Variants in LYPD6 observed in about 807,000 individuals in gnomAD.
LYPD6 encodes the protein ly6/PLAUR domain-containing protein 6.
LYPD6 carries 15 observed loss-of-function variants against 22.7 expected under a neutral mutation model. That is an observed-to-expected ratio of 0.66 (90% CI 0.44 to 1.02). The LOEUF is 1.02. Ranked by LOEUF, LYPD6 falls within the 50% of genes least tolerant of loss-of-function variation. The pLI is 0.00. For synonymous variants in LYPD6, 72 were observed against 77.5 expected, an observed-to-expected ratio of 0.93 and a Z score of 0.37; for missense variants, 189 against 208.4, an observed-to-expected ratio of 0.91 and a Z score of 0.57.
chr2:149,362,995 T>C (rs1174797555), intron 1 of LYPD6, among the ~76,000 whole-genome samples: 1 of 152,208 alleles, frequency 6.6e-6, no homozygotes, highest in African/African-American at 2.4e-5. Context: ...AAGGGAAAGT[T>C]AGAAAGTCCT....
chr2:149,338,964 A>T (rs1261619051), intron 1 of LYPD6, among the ~76,000 whole-genome samples: 2 of 152,198 alleles, frequency 1.3e-5, no homozygotes, highest in African/African-American at 4.8e-5. Context: ...TTCAAGAAAG[A>T]CAGATAGGGA....
chr2:149,333,418 G>A (rs1005550363), intron 1 of LYPD6, among the ~76,000 whole-genome samples: 1 of 152,226 alleles, frequency 6.6e-6, no homozygotes, highest in African/African-American at 2.4e-5. Context: ...ACGTGGTTAA[G>A]TGTTGAGCTT....
At chr2:149,365,335 G>A (rs1371124514) in intron 1 of LYPD6, among the ~76,000 whole-genome samples, 1 of 152,148 alleles carries the variant, frequency 6.6e-6, no homozygotes, top group Non-Finnish European at 1.5e-5. Context: ...AAAGGAAAAG[G>A]AACCCAAATA....
chr2:149,353,069 A>T (rs1035687441), intron 1 of LYPD6, among the ~76,000 whole-genome samples: 4 of 152,192 alleles, frequency 2.6e-5, no homozygotes, highest in African/African-American at 9.6e-5. Flanking sequence ...TTGTGACTCC[A>T]GCATATTGCA....
At chr2:149,387,240 G>A (rs927472896) in intron 1 of LYPD6, among the ~76,000 whole-genome samples, 1 of 152,172 alleles carries the variant, frequency 6.6e-6, no homozygotes. Flanking sequence ...GAGCCAAGGG[G>A]AGATATTGTA....
chr2:149,385,144 C>T (rs1410095363), intron 1 of LYPD6, among the ~76,000 whole-genome samples: 1 of 152,032 alleles, frequency 6.6e-6, no homozygotes, highest in East Asian at 1.9e-4. Context: ...CCTTCTGATT[C>T]CTCCTTTGCC....
chr2:149,379,601 G>T (rs1682014534), intron 1 of LYPD6, among the ~76,000 whole-genome samples: 1 of 152,180 alleles, frequency 6.6e-6, no homozygotes, highest in African/African-American at 2.4e-5. Context: ...CTTCAGTTCT[G>T]TGTCTTTGTG....
chr2:149,454,504 A>G (rs184641989), intron 3 of LYPD6, among the ~76,000 whole-genome samples: 114 of 152,280 alleles, frequency 7.5e-4, no homozygotes, highest in Non-Finnish European at 1.5e-3. Context: ...CTATTCCACT[A>G]TTGAAGGACA....
intron 1 of LYPD6, among the ~76,000 whole-genome samples, chr2:149,359,219 A>G (rs1195335769): frequency 2.0e-5 from 3 of 152,134 alleles, no homozygotes; most frequent in African/African-American, 7.2e-5. Flanking sequence ...ATTTCCATGC[A>G]TGTCTTTGAT....
intron 1 of LYPD6, among the ~76,000 whole-genome samples, chr2:149,341,055 A>G (rs751268260): frequency 1.3e-5 from 2 of 152,214 alleles, no homozygotes; most frequent in African/African-American, 2.4e-5. Context: ...GCGTTTATAT[A>G]GTGGCTTTTC....
chr2:149,335,830 G>C (rs1681024598), intron 1 of LYPD6, among the ~76,000 whole-genome samples: 1 of 152,124 alleles, frequency 6.6e-6, no homozygotes, highest in Non-Finnish European at 1.5e-5. Context: ...GTAGTATTTA[G>C]TGCAGTAACA....
intron 3 of LYPD6, among the ~76,000 whole-genome samples, chr2:149,468,182 C>CACACAT (rs1553446203): frequency 2.3e-4 from 34 of 147,292 alleles, no homozygotes; most frequent in African/African-American, 7.8e-4. Flanking sequence ...CACACACACA[C>CACACAT]ACACACCAGC....
chr2:149,468,727 A>G lies in LYPD6; in HGVS notation c.300A>G (p.Glu100=), dbSNP rs1198976323. The part of the protein sequence containing the change: ...ISVTKRCVPL[E]ECLSTGCRDS... The stretch of plus-strand genomic sequence containing the variant: ...TCACCAAACGCTGTGTCCCACTGGA[A>G]GAGTGCTTATCCACTGGCTGCAGAG... Residue 100 remains glutamate, a synonymous_variant, in exon 4 of 5, where the codon GAA becomes GAG. Transcript: ENST00000334166. The G allele has an allele frequency of 1.2e-6, 2 of 1,613,620 alleles. No individual in the cohort carries two copies. Among genetic ancestry groups the G allele is most frequent in the Non-Finnish European group, 1.7e-6 (2 of 1,179,750 alleles).
At chr2:149,445,144 T>C (rs1302817435) in intron 2 of LYPD6, among the ~76,000 whole-genome samples, 2 of 152,202 alleles carry the variant, frequency 1.3e-5, no homozygotes, top group Non-Finnish European at 2.9e-5. Flanking sequence ...GTATTGCCAA[T>C]GAGCAGTAGT....
chr2:149,342,409 G>A (rs1002224862), intron 1 of LYPD6, among the ~76,000 whole-genome samples: 1 of 152,130 alleles, frequency 6.6e-6, no homozygotes, highest in Non-Finnish European at 1.5e-5. Flanking sequence ...TTATTCGTGT[G>A]TAATTTCTTT....
intron 1 of LYPD6, among the ~76,000 whole-genome samples, chr2:149,385,197 G>T (rs1682156863): frequency 6.6e-6 from 1 of 151,970 alleles, no homozygotes; most frequent in African/African-American, 2.4e-5. Flanking sequence ...AGTGCAAATG[G>T]GTAAAGATGG....
chr2:149,369,934 A>C (rs1395959252), intron 1 of LYPD6, among the ~76,000 whole-genome samples: 2 of 152,116 alleles, frequency 1.3e-5, no homozygotes, highest in African/African-American at 4.8e-5. Context: ...GAAGGAGGGC[A>C]TAACTGATGG....
intron 1 of LYPD6, among the ~76,000 whole-genome samples, chr2:149,406,088 G>T (rs1303862573): frequency 1.3e-5 from 2 of 150,620 alleles, no homozygotes; most frequent in African/African-American, 2.4e-5. Flanking sequence ...ATTGCACTGT[G>T]GTCTGAGAGA....
chr2:149,418,516 A>G (rs1683012578), intron 1 of LYPD6, among the ~76,000 whole-genome samples: 1 of 152,252 alleles, frequency 6.6e-6, no homozygotes, highest in Non-Finnish European at 1.5e-5. Flanking sequence ...ATAAGATTTT[A>G]TAGTTAAAGC....
Sources: gnomAD v4.1 joint callset for allele counts (sites outside exome capture counted in the v4.1 genomes callset) on GRCh38, gnomAD v4.1.1 for gene constraint, MANE v1.5 for transcripts, NCBI Gene and HGNC (gene_info 2026-07-23, HGNC 2026-07-21) for gene names.